The following GPN1 variants were observed in gnomAD, a reference collection of about 807,000 sequenced individuals.
The protein encoded by GPN1 is GPN-loop GTPase 1, also known as ATP(GTP)-binding protein.
Under a neutral mutation model 55.9 loss-of-function variants are expected in GPN1, and 44 were observed. The ratio of observed to expected loss-of-function variants is 0.79; its 90% CI spans 0.62 to 1.01. The LOEUF (loss-of-function observed/expected upper bound fraction) is 1.01. Ranked by LOEUF, GPN1 falls within the 50% of genes least tolerant of loss-of-function variation. GPN1 has a pLI of 0.00. For synonymous variants in GPN1, 179 were observed against 162.5 expected (o/e 1.10, Z -0.77); for missense variants, 466 against 462.8 (o/e 1.01, Z -0.06).
intron 12 of GPN1, among the ~76,000 whole-genome samples, chr2:27,644,092 T>G (rs953358568): frequency 6.6e-6 from 1 of 152,156 alleles, no homozygotes; most frequent in Admixed American, 6.5e-5. Flanking sequence ...GGAGAGTCTC[T>G]TGAACCCGGG....
chr2:27,635,098 G>T (rs370148886), intron 6 of GPN1, 42 bp from the exon 7 acceptor site: 4 of 1,203,040 alleles, frequency 3.3e-6, no homozygotes. Context: ...AGGACAGATC[G>T]TGAGCCCTCT....
At chr2:27,631,681 G>T in intron 3 of GPN1, 153 bp from the exon 4 acceptor site, 1 of 643,998 alleles carries the variant, frequency 1.6e-6, no homozygotes, top group Non-Finnish European at 2.8e-6. Flanking sequence ...CTGTTTCCCT[G>T]TGTGGTTAAG....
At chr2:27,628,761 C>T (rs771293206), upstream of GPN1, 36 of 1,542,868 alleles carry the variant, frequency 2.3e-5, no homozygotes, top group Admixed American at 4.4e-4. Context: ...CTCGGGACCC[C>T]ATCTCTTCTG....
intron 11 of GPN1, among the ~76,000 whole-genome samples, chr2:27,641,732 A>G (rs566182788): frequency 6.6e-6 from 1 of 152,156 alleles, no homozygotes; most frequent in Non-Finnish European, 1.5e-5. Context: ...TAGCTAGGAC[A>G]ACATGTATGT....
chr2:27,639,485 C>T (rs78112911), intron 9 of GPN1, among the ~76,000 whole-genome samples: 1 of 152,040 alleles, frequency 6.6e-6, no homozygotes, highest in African/African-American at 2.4e-5. Context: ...GATAATAAGT[C>T]CTGTTAATTG....
intron 12 of GPN1, among the ~76,000 whole-genome samples, chr2:27,647,218 A>T (rs1674279263): frequency 6.6e-6 from 1 of 152,194 alleles, no homozygotes; most frequent in Non-Finnish European, 1.5e-5. Context: ...CTGAAGAGAG[A>T]GTGACTATGT....
chr2:27,649,418 G>C (rs1674410570), intron 13 of GPN1, among the ~76,000 whole-genome samples: 1 of 151,458 alleles, frequency 6.6e-6, no homozygotes, highest in African/African-American at 2.4e-5. Flanking sequence ...CTCACTTTTT[G>C]AGTATATAGT....
chr2:27,638,841 T>C (rs1673833029), intron 8 of GPN1, 44 bp from the exon 9 acceptor site: 1 of 1,548,222 alleles, frequency 6.5e-7, no homozygotes, highest in Non-Finnish European at 8.7e-7. Flanking sequence ...AAATTTTGCG[T>C]TTGTTGGCTC....
intron 7 of GPN1, among the ~76,000 whole-genome samples, chr2:27,635,647 CTCTACAAAAAATG>C (rs1322101839): frequency 6.6e-6 from 1 of 152,002 alleles, no homozygotes; most frequent in African/African-American, 2.4e-5. Context: ...AAGACTCTGT[CTCTACAAAAAATG>C]TTTTAAAATT....
chr2:27,630,280 C>A (rs1223038123), intron 2 of GPN1, among the ~76,000 whole-genome samples: 3 of 151,972 alleles, frequency 2.0e-5, no homozygotes, highest in Admixed American at 2.0e-4. Context: ...GAGTGAGACT[C>A]TGTAAAGCCT....
rs1673466191 is a variant in GPN1, at chr2:27,629,879, T to C, written c.132T>C (p.His44=). 1 of 1,606,442 alleles carries C rather than the reference T, an allele frequency of 6.2e-7. No homozygotes were observed. The highest frequency in any genetic ancestry group is 1.3e-5 in the African/African-American group (1 of 74,820). The change falls in exon 2 of 14, where the codon CAT becomes CAC. Residue 44 remains histidine, a synonymous_variant. Coordinates refer to ENST00000610189, the MANE Select transcript of GPN1 (RefSeq NM_007266.4). ...TGCAGAGGCTCACAGGACACCTGCATGCCCAAGGCACTCCACCGTATGTGA... is the reference window on the plus strand; with the variant it reads ...TGCAGAGGCTCACAGGACACCTGCACGCCCAAGGCACTCCACCGTATGTGA... ...TFVQRLTGHL[H]AQGTPPYVIN... is the part of the protein sequence containing the mutation.
At chr2:27,628,848 C>T, upstream of GPN1, 1 of 1,467,646 alleles carries the variant, frequency 6.8e-7, no homozygotes, top group Non-Finnish European at 9.0e-7. Context: ...CAGCCTTCCT[C>T]TCGCTTGCTC....
chr2:27,635,502 G>T (rs945066206), intron 7 of GPN1, among the ~76,000 whole-genome samples: 1 of 152,100 alleles, frequency 6.6e-6, no homozygotes, highest in African/African-American at 2.4e-5. Flanking sequence ...CTGTCTGATA[G>T]TTGTTCCCAG....
At chr2:27,640,713 A>ATGATAGCCGGCTTATTAG (rs1225754000) in intron 10 of GPN1, among the ~76,000 whole-genome samples, 13 of 152,230 alleles carry the variant, frequency 8.5e-5, no homozygotes, top group Non-Finnish European at 1.9e-4. Flanking sequence ...GGCCTGTGGC[A>ATGATAGCCGGCTTATTAG]TGATAGCCGG....
Position 27,650,223 on chromosome 2 carries a change from G to A in GPN1, c.*23G>A, listed in dbSNP as rs1674462732. On this transcript the variant is annotated 3_prime_UTR_variant, in exon 14 of 14. Coordinates refer to ENST00000610189, the MANE Select transcript of GPN1 (RefSeq NM_007266.4). ...TAGGAGACTTTAGCACACTTCACTT[G>A]TTTCTAGAAGTCCAGAATTTTGGAC... 7.2e-7 allele frequency: 1 copy of A among 1,381,740 alleles called. No individual in the cohort carries two copies. The highest frequency in any genetic ancestry group is 1.0e-6 in the Non-Finnish European group (1 of 971,302). 85.6% of individuals were successfully genotyped at this position (1,381,740 alleles called of 1,614,324 possible). A position where few individuals can be genotyped will look rare whatever the true frequency, so the allele number is the denominator to read the frequency against.
rs997393740 is a variant in GPN1 at position 27,651,064 on chromosome 2, T to C, written c.*864T>C. 3 of 152,364 alleles carry C rather than the reference T, an allele frequency of 2.0e-5. No homozygotes were observed. 9.4% of individuals were successfully genotyped at this position (152,364 alleles called of 1,614,324 possible). The stretch of plus-strand genomic sequence containing the variant: ...CTCTGAACTTAATGCAAAGTCTCCT[T>C]GGTGATTTTCGCAAAGTCCGTGGAT... On this transcript the variant is annotated 3_prime_UTR_variant, in exon 14 of 14. Transcript: ENST00000610189.
intron 11 of GPN1, 160 bp from the exon 12 acceptor site, chr2:27,642,269 C>T (rs886544392): frequency 2.1e-5 from 12 of 583,066 alleles, no homozygotes; most frequent in African/African-American, 1.1e-4. Flanking sequence ...CCCAGGCCCA[C>T]GCTACTTAGT....
chr2:27,630,739 A>G (rs1008672173), intron 2 of GPN1, among the ~76,000 whole-genome samples: 1 of 151,944 alleles, frequency 6.6e-6, no homozygotes, highest in African/African-American at 2.4e-5. Flanking sequence ...AGTAAGAAGC[A>G]TTTTTTCCCC....
intron 6 of GPN1, 61 bp downstream of exon 6, chr2:27,634,985 A>G (rs2148067290): frequency 1.0e-5 from 11 of 1,059,754 alleles, no homozygotes; most frequent in Non-Finnish European, 1.5e-5. Flanking sequence ...ATGAGCATTT[A>G]TTTTTAATTG....
Sources: allele counts gnomAD v4.1 joint callset (sites outside exome capture counted in the v4.1 genomes callset), GRCh38; gene constraint gnomAD v4.1.1; transcripts MANE v1.5; gene names NCBI Gene and HGNC (gene_info 2026-07-23, HGNC 2026-07-21).